Variants in PCDH9 observed in about 807,000 individuals in gnomAD.
PCDH9 encodes protocadherin-9.
In PCDH9, 24 loss-of-function variants were observed where a neutral mutation model predicts 70.6. The observed-to-expected ratio is 0.34, with a 90% CI of 0.25 to 0.48. The LOEUF (loss-of-function observed/expected upper bound fraction) is 0.48. PCDH9 is among the 20% of genes least tolerant of loss of function. The probability of loss-of-function intolerance (pLI) is 0.99; values close to 1 mark genes in which losing one functional copy is unlikely to be tolerated. For missense variants in PCDH9, 1,281 were observed against 1,503.6 expected (o/e 0.85, Z 2.45); for synonymous variants, 562 against 558.5 (o/e 1.01, Z -0.09).
intron 4 of PCDH9, among the ~76,000 whole-genome samples, chr13:66,625,063 G>A (rs566900941): frequency 3.9e-5 from 6 of 152,156 alleles, no homozygotes; most frequent in African/African-American, 1.2e-4. Context: ...TATTTTGATA[G>A]AGTAATATTA....
At chr13:66,564,020 A>C (rs1008532686) in intron 4 of PCDH9, among the ~76,000 whole-genome samples, 15 of 152,156 alleles carry the variant, frequency 9.9e-5, no homozygotes, top group African/African-American at 3.6e-4. Flanking sequence ...AGGGGCTAAA[A>C]TATGTTTGGT....
chr13:67,226,794 G>A lies in PCDH9; in HGVS notation c.1647C>T (p.Thr549=), dbSNP rs945469546. Reference sequence around the variant, plus strand: ...CAGCCGCTTGGCTTTGGAGGGGAGGGGTCCCATTGTCCCTGGCAGTTACTG... The same window carrying A: ...CAGCCGCTTGGCTTTGGAGGGGAGGAGTCCCATTGTCCCTGGCAGTTACTG... ...IFTVTARDNG[T]PPLQSQAAVI... Residue 549 remains threonine, a synonymous_variant, in exon 2 of 5, where the codon ACC becomes ACT. Coordinates refer to ENST00000377865, the MANE Select transcript of PCDH9 (RefSeq NM_203487.3). The surrounding 1 kb of genome is among the most constrained non-coding windows in gnomAD (Gnocchi z 5.0). 2 of 1,613,872 alleles carry A rather than the reference G, an allele frequency of 1.2e-6. No homozygotes were observed. The highest frequency in any genetic ancestry group is 2.7e-5 in the African/African-American group (2 of 74,862).
intron 3 of PCDH9, among the ~76,000 whole-genome samples, chr13:66,808,791 A>G (rs1316271541): frequency 6.6e-6 from 1 of 152,218 alleles, no homozygotes; most frequent in Non-Finnish European, 1.5e-5. Context: ...TTGCCGCATC[A>G]GAACCCAGAA....
intron 2 of PCDH9, among the ~76,000 whole-genome samples, chr13:67,094,165 A>C (rs931227461): frequency 2.6e-5 from 4 of 152,196 alleles, no homozygotes; most frequent in Admixed American, 2.6e-4. Context: ...GCAAAATAGA[A>C]CATTCTTAAG....
At chr13:66,789,599 T>A (rs2080132390) in intron 3 of PCDH9, among the ~76,000 whole-genome samples, 1 of 152,136 alleles carries the variant, frequency 6.6e-6, no homozygotes, top group Admixed American at 6.6e-5. Context: ...TAAAATAGAT[T>A]ATATATACTT....
chr13:66,527,809 G>C (rs1960280013), intron 4 of PCDH9, among the ~76,000 whole-genome samples: 1 of 152,120 alleles, frequency 6.6e-6, no homozygotes, highest in Non-Finnish European at 1.5e-5. Flanking sequence ...CTTGAGGTCA[G>C]GAGTTCAAGA....
At chr13:66,849,718 T>C (rs1006319030) in intron 3 of PCDH9, among the ~76,000 whole-genome samples, 11 of 152,052 alleles carry the variant, frequency 7.2e-5, no homozygotes, top group Non-Finnish European at 1.3e-4. Context: ...AGGTGTGTAA[T>C]TGTGATTCAG....
intron 4 of PCDH9, among the ~76,000 whole-genome samples, chr13:66,548,284 G>T (rs1031986119): frequency 2.6e-5 from 4 of 151,818 alleles, no homozygotes. Context: ...ACTTTCTTAG[G>T]CCAGGCATGG....
chr13:67,164,057 A>G (rs1217536352), intron 2 of PCDH9, among the ~76,000 whole-genome samples: 1 of 152,182 alleles, frequency 6.6e-6, no homozygotes, highest in Non-Finnish European at 1.5e-5. Flanking sequence ...CTCTAACAAA[A>G]TCATGTGTTT....
intron 2 of PCDH9, among the ~76,000 whole-genome samples, chr13:67,181,113 G>A (rs746543647): frequency 1.3e-5 from 2 of 151,980 alleles, no homozygotes. Flanking sequence ...CCTTAGGTGC[G>A]GTCCTCTATA....
intron 2 of PCDH9, among the ~76,000 whole-genome samples, chr13:67,152,643 G>A (rs1190664568): frequency 2.0e-5 from 3 of 152,148 alleles, no homozygotes; most frequent in Non-Finnish European, 2.9e-5. Context: ...GTTCAAAGGC[G>A]TGATGTCTCA....
intron 2 of PCDH9, among the ~76,000 whole-genome samples, chr13:67,125,776 A>G (rs2086965631): frequency 6.6e-6 from 1 of 151,992 alleles, no homozygotes; most frequent in Non-Finnish European, 1.5e-5. Flanking sequence ...TAACATTGTC[A>G]CAGGGTCTTG....
At chr13:66,615,069 G>T (rs1333262059) in intron 4 of PCDH9, among the ~76,000 whole-genome samples, 6 of 152,226 alleles carry the variant, frequency 3.9e-5, no homozygotes, top group Non-Finnish European at 8.8e-5. Flanking sequence ...ACCAGTATAA[G>T]CATGCCAGGG....
chr13:67,086,129 T>A (rs2086103146), intron 2 of PCDH9, among the ~76,000 whole-genome samples: 1 of 152,168 alleles, frequency 6.6e-6, no homozygotes, highest in African/African-American at 2.4e-5. Context: ...TGCTTTTAGA[T>A]AAAGAATCTA....
chr13:67,026,006 T>A (rs1594408100), intron 2 of PCDH9, among the ~76,000 whole-genome samples: 1 of 152,174 alleles, frequency 6.6e-6, no homozygotes, highest in Non-Finnish European at 1.5e-5. Context: ...TTATCTTTTA[T>A]GATATATAGG....
chr13:67,193,308 G>A (rs1220531181), intron 2 of PCDH9, among the ~76,000 whole-genome samples: 3 of 149,996 alleles, frequency 2.0e-5, no homozygotes, highest in Admixed American at 1.3e-4. Flanking sequence ...ATGAAGATTT[G>A]TGCTTTGTGC....
intron 2 of PCDH9, among the ~76,000 whole-genome samples, chr13:67,044,188 T>G (rs1049454921): frequency 2.6e-5 from 4 of 152,096 alleles, no homozygotes; most frequent in African/African-American, 9.7e-5. Context: ...GCTAAAGAAA[T>G]AAATTGGGTT....
chr13:66,659,271 C>G (rs2077973800), intron 3 of PCDH9, among the ~76,000 whole-genome samples: 1 of 152,146 alleles, frequency 6.6e-6, no homozygotes, highest in African/African-American at 2.4e-5. Context: ...GTATCCCTAG[C>G]CTTAGAACAG....
chr13:66,444,189 A>C (rs1235311321), intron 4 of PCDH9, among the ~76,000 whole-genome samples: 1 of 152,194 alleles, frequency 6.6e-6, no homozygotes, highest in South Asian at 2.1e-4. Context: ...AGCTTCCACA[A>C]GAAACTTTAA....
Sources: allele counts gnomAD v4.1 joint callset (sites outside exome capture counted in the v4.1 genomes callset), GRCh38; gene constraint gnomAD v4.1.1; non-coding constraint Gnocchi (gnomAD v3.1); transcripts MANE v1.5; gene names NCBI Gene and HGNC (gene_info 2026-07-23, HGNC 2026-07-21).